Variants in SP140 observed in about 807,000 individuals in gnomAD.
SP140 encodes SP140 nuclear body protein.
A neutral mutation model predicts 125.0 loss-of-function variants in SP140; 81 were observed. The ratio of observed to expected loss-of-function variants is 0.65; its 90% CI spans 0.54 to 0.78. SP140 has a LOEUF of 0.78. SP140 is among the 30% of genes least tolerant of loss of function. SP140 has a pLI of 0.00. For missense variants in SP140, 858 were observed against 1,037.0 expected, an observed-to-expected ratio of 0.83 and a Z score of 2.37; for synonymous variants, 312 against 354.0, an observed-to-expected ratio of 0.88 and a Z score of 1.33.
intron 1 of SP140, chr2:230,208,000 G>A (rs1408085189): frequency 6.5e-7 from 1 of 1,548,622 alleles, no homozygotes. Flanking sequence ...CCTCCTGGGA[G>A]GCTTTTTTTC....
chr2:230,242,805 G>C (rs1435959104), intron 4 of SP140, among the ~76,000 whole-genome samples: 1 of 151,962 alleles, frequency 6.6e-6, no homozygotes, highest in Non-Finnish European at 1.5e-5. Context: ...GTTGCCCCTG[G>C]CCTGTCCATC....
At chr2:230,212,435 A>G in intron 1 of SP140, 1 of 1,599,156 alleles carries the variant, frequency 6.3e-7, no homozygotes, top group South Asian at 1.1e-5. Flanking sequence ...TGGTCACTGA[A>G]GGAGGAAAGG....
intron 15 of SP140, among the ~76,000 whole-genome samples, chr2:230,276,729 G>A (rs2149390022): frequency 6.6e-6 from 1 of 152,250 alleles, no homozygotes; most frequent in East Asian, 1.9e-4. Flanking sequence ...AAACCTTCTG[G>A]AAAGGATTCA....
rs1318292775 is a variant in SP140, at chr2:230,290,569, GT to G, written c.1825+9del. The G allele has an allele frequency of 1.2e-5, 19 of 1,604,204 alleles. No individual in the cohort carries two copies. Among genetic ancestry groups the G allele is most frequent in the Non-Finnish European group, 1.5e-5 (18 of 1,173,098 alleles). On this transcript the variant is annotated splice_donor_region_variant and intron_variant, in intron 19 of 26. Transcript: ENST00000392045. ...ATAAGAAGAAATTGCAGCAAGGTAG[GT>G]TTTATGGTCTTCTTTAATTTGCAGC...
chr2:230,273,973 G>C (rs1464632628), intron 15 of SP140, among the ~76,000 whole-genome samples: 2 of 152,104 alleles, frequency 1.3e-5, no homozygotes, highest in Non-Finnish European at 2.9e-5. Flanking sequence ...AAGGGTTGGA[G>C]GAGGGAGAGG....
At chr2:230,262,247 C>G (rs772558031) in intron 12 of SP140, among the ~76,000 whole-genome samples, 35 of 152,090 alleles carry the variant, frequency 2.3e-4, no homozygotes, top group Admixed American at 1.6e-3. Flanking sequence ...TAAAGGTATT[C>G]ATAGTAACCT....
chr2:230,225,854 C>G lies in SP140; in HGVS notation c.10C>G (p.Gln4Glu), dbSNP rs1010172196. The G allele has an allele frequency of 1.2e-6, 2 of 1,613,844 alleles. No individual in the cohort carries two copies. Among genetic ancestry groups the G allele is most frequent in the Non-Finnish European group, 1.7e-6 (2 of 1,179,732 alleles). Residue 4 changes from glutamine (Q) to glutamate (E), a missense_variant, in exon 1 of 27, where the codon CAG (glutamine) becomes GAG (glutamate). Around this residue, in one of 4 missense-constraint regions of SP140, gnomAD observed 791 missense variants for 869.5 expected, o/e 0.91. Transcript: ENST00000392045. MAQ[Q>E]GQQGQMASGD... ...ATCCTAGGCCAAGCTCATGGCCCAG[C>G]AGGGCCAGCAGGGGCAGATGGCAAG...
At chr2:230,295,453 A>T (rs1468986750) in intron 21 of SP140, among the ~76,000 whole-genome samples, 1 of 152,224 alleles carries the variant, frequency 6.6e-6, no homozygotes, top group Admixed American at 6.5e-5. Context: ...CCGGGTGCCA[A>T]GAGTAACTGA....
intron 12 of SP140, among the ~76,000 whole-genome samples, chr2:230,267,802 C>T (rs2053353519): frequency 6.6e-6 from 1 of 152,186 alleles, no homozygotes; most frequent in Non-Finnish European, 1.5e-5. Context: ...TGATTAATTA[C>T]ATGATTGTAG....
At chr2:230,225,275 T>C (rs2046188962), upstream of SP140, among the ~76,000 whole-genome samples, 1 of 152,190 alleles carries the variant, frequency 6.6e-6, no homozygotes, top group Non-Finnish European at 1.5e-5. Flanking sequence ...TTGAGAGAGT[T>C]GTCTTTTACC....
chr2:230,211,164 C>T lies in SP140; in HGVS notation c.-322-2490C>T, dbSNP rs1044206399. Among the ~76,000 whole-genome samples, 8 of 152,180 alleles carry T rather than the reference C, an allele frequency of 5.3e-5. No homozygotes were observed. Among genetic ancestry groups the T allele is most frequent in the African/African-American group, 9.7e-5 (4 of 41,442 alleles). ...GGCAGGTGAATGTTTCCCTTTCAGG[C>T]GCTTTGTGGCATTTGGAGTCCAAAC... On this transcript the variant is annotated intron_variant, in intron 1 of 4. Coordinates refer to the SP140 transcript ENST00000456542. This position sits in a 1 kb window ranked among gnomAD's most constrained non-coding sequence, Gnocchi z 4.2.
At position 230,237,642 on chromosome 2, in the gene SP140, T is replaced by C. The variant is rs1336745646; in HGVS notation, c.237+382T>C. On this transcript the variant is annotated intron_variant, in intron 2 of 26. Transcript: ENST00000392045. This position sits in a 1 kb window ranked among gnomAD's most constrained non-coding sequence, Gnocchi z 5.4. The stretch of plus-strand genomic sequence containing the variant: ...GATTTTTTTGAAACTCACAGTGAAG[T>C]TGTGTCATTTTAGGTTACATTTGGA... 1 of 170,014 alleles carries C rather than the reference T, an allele frequency of 5.9e-6. No homozygotes were observed. The highest frequency in any genetic ancestry group is 1.2e-5 in the Non-Finnish European group (1 of 80,464). The allele number at this position is 170,014 out of a possible 1,614,324, so 10.5% of individuals were successfully genotyped here. A position where few individuals can be genotyped will look rare whatever the true frequency, so the allele number is the denominator to read the frequency against.
intron 21 of SP140, among the ~76,000 whole-genome samples, chr2:230,294,542 G>C (rs191094239): frequency 6.6e-6 from 1 of 152,094 alleles, no homozygotes; most frequent in Non-Finnish European, 1.5e-5. Context: ...TTCATATGAA[G>C]ATGATAAGGA....
chr2:230,207,935 C>A, intron 1 of SP140: 1 of 847,144 alleles, frequency 1.2e-6, no homozygotes, highest in South Asian at 1.4e-5. Flanking sequence ...GCTTGACCTA[C>A]AAGCCCTGCA....
chr2:230,286,511 C>A (rs1208285613), intron 17 of SP140, among the ~76,000 whole-genome samples: 1 of 152,186 alleles, frequency 6.6e-6, no homozygotes, highest in East Asian at 1.9e-4. Context: ...ACAGGTGCAG[C>A]CGTGAAATGA....
At chr2:230,213,152 C>A in intron 1 of SP140, 1 of 931,620 alleles carries the variant, frequency 1.1e-6, no homozygotes, top group African/African-American at 1.6e-5. Context: ...CCCCCAGGTG[C>A]AGAGAACTGA....
intron 21 of SP140, 73 bp from the exon 22 acceptor site, chr2:230,297,348 T>C: frequency 5.8e-6 from 9 of 1,540,206 alleles, no homozygotes; most frequent in Non-Finnish European, 8.0e-6. Context: ...AGAATACTAT[T>C]TAAATTTAAA....
upstream of SP140, among the ~76,000 whole-genome samples, chr2:230,224,531 G>A (rs1178888082): frequency 6.6e-6 from 1 of 151,624 alleles, no homozygotes; most frequent in Non-Finnish European, 1.5e-5. Context: ...GAGAGAGAGA[G>A]AGGAGAGAGA....
downstream of SP140, among the ~76,000 whole-genome samples, chr2:230,316,305 C>A (rs2059483208): frequency 7.2e-6 from 1 of 139,804 alleles, no homozygotes; most frequent in Admixed American, 6.8e-5. Context: ...GTCAGTGTAT[C>A]CCCTCCAAAG....
Sources: gnomAD v4.1 joint callset for allele counts (sites outside exome capture counted in the v4.1 genomes callset) on GRCh38, gnomAD v4.1.1 for gene constraint, gnomAD v4.1.1 regional missense constraint, Gnocchi (gnomAD v3.1) non-coding constraint, MANE v1.5 for transcripts, NCBI Gene and HGNC (gene_info 2026-07-23, HGNC 2026-07-21) for gene names.